Variants in SCFD2 observed in about 807,000 individuals in gnomAD.
SCFD2 encodes sec1 family domain-containing protein 2.
In SCFD2, 54 loss-of-function variants were observed where a neutral mutation model predicts 58.9. The ratio of observed to expected loss-of-function variants is 0.92; its 90% CI spans 0.74 to 1.15. The LOEUF is 1.15. Among genes scored for constraint, SCFD2 ranks in the 50% most tolerant of loss-of-function variants. The probability of loss-of-function intolerance (pLI) is 0.00; values close to 1 mark genes in which losing one functional copy is unlikely to be tolerated. For missense variants in SCFD2, 805 were observed against 836.6 expected (o/e 0.96, Z 0.47); for synonymous variants, 321 against 335.9 (o/e 0.96, Z 0.49).
At chr4:53,042,398 C>T (rs535681916) in intron 5 of SCFD2, among the ~76,000 whole-genome samples, 5 of 152,210 alleles carry the variant, frequency 3.3e-5, no homozygotes, top group African/African-American at 4.8e-5. Flanking sequence ...CCCACAGGGA[C>T]GCAATCAGCT....
chr4:53,077,218 C>A (rs561842008), intron 5 of SCFD2, among the ~76,000 whole-genome samples: 13 of 152,192 alleles, frequency 8.5e-5, no homozygotes, highest in South Asian at 8.3e-4. Context: ...TCAGCGCATT[C>A]AAAACTTTAT....
chr4:53,254,269 T>A (rs1730514129), intron 4 of SCFD2, among the ~76,000 whole-genome samples: 1 of 152,010 alleles, frequency 6.6e-6, no homozygotes, highest in Non-Finnish European at 1.5e-5. Context: ...ATGGGGGTGG[T>A]TTCCCCCATG....
chr4:52,899,593 C>T (rs1266075657), intron 7 of SCFD2, among the ~76,000 whole-genome samples: 1 of 152,166 alleles, frequency 6.6e-6, no homozygotes, highest in Non-Finnish European at 1.5e-5. Context: ...TTTTTTCCTT[C>T]ATTTCAACTT....
chr4:52,993,414 A>T (rs1007059084), intron 5 of SCFD2, among the ~76,000 whole-genome samples: 6 of 138,202 alleles, frequency 4.3e-5, no homozygotes, highest in South Asian at 2.4e-4. Context: ...ATAAAAAAAT[A>T]AAAAAAGTAT....
At chr4:52,879,206 C>T (rs1341800067) in intron 8 of SCFD2, among the ~76,000 whole-genome samples, 2 of 152,330 alleles carry the variant, frequency 1.3e-5, no homozygotes, top group East Asian at 3.9e-4. Context: ...GAGCACCCCG[C>T]AGTGCTCAGA....
At chr4:52,874,495 C>T (rs993591418) in intron 8 of SCFD2, among the ~76,000 whole-genome samples, 7 of 152,332 alleles carry the variant, frequency 4.6e-5, no homozygotes, top group South Asian at 2.1e-4. Flanking sequence ...TGAGAAGGCA[C>T]ATCCAGGAGG....
chr4:53,344,341 C>T (rs1249397400), intron 2 of SCFD2, among the ~76,000 whole-genome samples: 1 of 152,134 alleles, frequency 6.6e-6, no homozygotes, highest in Non-Finnish European at 1.5e-5. Context: ...AGTGAACTCC[C>T]ATTCACAATT....
At chr4:53,214,869 A>G (rs1009001719) in intron 4 of SCFD2, among the ~76,000 whole-genome samples, 1 of 152,148 alleles carries the variant, frequency 6.6e-6, no homozygotes, top group Non-Finnish European at 1.5e-5. Flanking sequence ...CTCTCTACAT[A>G]TGGCTAGCCA....
chr4:53,121,906 G>GTTAC (rs1725489271), intron 5 of SCFD2, among the ~76,000 whole-genome samples: 1 of 152,130 alleles, frequency 6.6e-6, no homozygotes, highest in Non-Finnish European at 1.5e-5. Flanking sequence ...AATATAAGCA[G>GTTAC]CTACCAAGGT....
chr4:52,997,358 G>C (rs1235918529), intron 5 of SCFD2, among the ~76,000 whole-genome samples: 1 of 152,214 alleles, frequency 6.6e-6, no homozygotes, highest in Non-Finnish European at 1.5e-5. Flanking sequence ...AAACACAGGA[G>C]GGCCCTGGTG....
intron 4 of SCFD2, among the ~76,000 whole-genome samples, chr4:53,240,461 C>G (rs1329015246): frequency 2.0e-5 from 3 of 152,200 alleles, no homozygotes; most frequent in Non-Finnish European, 4.4e-5. Flanking sequence ...GTGACCTTCA[C>G]TATTTTCAAC....
rs1734696856 is a variant in SCFD2 at position 53,365,999 on chromosome 4, C to T, written c.-58G>A. 2.0e-6 allele frequency: 3 copies of T among 1,498,864 alleles called. No individual in the cohort carries two copies. The highest frequency in any genetic ancestry group is 1.3e-5 in the South Asian group (1 of 74,864). 92.8% of individuals were successfully genotyped at this position (1,498,864 alleles called of 1,614,324 possible). A position where few individuals can be genotyped will look rare whatever the true frequency, so the allele number is the denominator to read the frequency against. ...TGCAGGAACTTCTTTCAGAACTCAC[C>T]GCTTCCGGAAATTGGGCTCCGGGAG... On this transcript the variant is annotated 5_prime_UTR_variant, in exon 1 of 9. Transcript: ENST00000401642. The surrounding 1 kb of genome is among the most constrained non-coding windows in gnomAD (Gnocchi z 4.3).
intron 5 of SCFD2, among the ~76,000 whole-genome samples, chr4:53,091,162 A>G (rs1471457380): frequency 6.6e-6 from 1 of 152,142 alleles, no homozygotes; most frequent in Non-Finnish European, 1.5e-5. Flanking sequence ...ATATTGGTAA[A>G]GTTTAAATCT....
At chr4:53,154,027 C>T (rs1449762538) in intron 4 of SCFD2, among the ~76,000 whole-genome samples, 2 of 152,184 alleles carry the variant, frequency 1.3e-5, no homozygotes, top group East Asian at 3.9e-4. Context: ...CTCTAATAAG[C>T]TCCAAACTTC....
In SCFD2 at chr4:53,251,661, A is replaced by C. The variant is rs576348579; in HGVS notation, c.1311+22165T>G. 1.2e-4 allele frequency among the ~76,000 whole-genome samples: 18 copies of C among 152,288 alleles called. No homozygotes were observed. The South Asian group carries it at 3.5e-3, about 30-fold the overall frequency. On this transcript the variant is annotated intron_variant, in intron 4 of 8. Transcript: ENST00000401642. ...ATGATTATCTCAATAGATGCAGAAAAGGCCTTTGACAAAATTCAACAACCC... is the reference window on the plus strand; with the variant it reads ...ATGATTATCTCAATAGATGCAGAAACGGCCTTTGACAAAATTCAACAACCC...
At chr4:53,123,531 G>GT (rs1251780589) in intron 5 of SCFD2, among the ~76,000 whole-genome samples, 4 of 90,818 alleles carry the variant, frequency 4.4e-5, no homozygotes, top group African/African-American at 1.6e-4. Flanking sequence ...TGAGATGGGG[G>GT]TGGGGGGGGG....
At chr4:53,099,355 C>G (rs1724762987) in intron 5 of SCFD2, among the ~76,000 whole-genome samples, 1 of 152,140 alleles carries the variant, frequency 6.6e-6, no homozygotes, top group African/African-American at 2.4e-5. Flanking sequence ...AACCATCAAA[C>G]CCATAATTAT....
chr4:53,002,674 C>T (rs552965564), intron 5 of SCFD2, among the ~76,000 whole-genome samples: 1 of 152,268 alleles, frequency 6.6e-6, no homozygotes, highest in African/African-American at 2.4e-5. Flanking sequence ...ACTTAAAGAT[C>T]TATAAGCAAA....
chr4:53,352,680 C>T lies in SCFD2; in HGVS notation c.925G>A (p.Val309Ile). 3 of 1,614,000 alleles carry T rather than the reference C, an allele frequency of 1.9e-6. No homozygotes were observed. Among genetic ancestry groups the T allele is most frequent in the Non-Finnish European group, 2.5e-6 (3 of 1,179,920 alleles). Residue 309 changes from valine to isoleucine, a missense_variant, in exon 2 of 9, where the codon GTT becomes ATT. By Grantham distance (29) the Val-to-Ile change is conservative. Around this residue, in one of 3 missense-constraint regions of SCFD2, gnomAD observed 633 missense variants for 646.8 expected, o/e 0.98. Coordinates refer to ENST00000401642, the MANE Select transcript of SCFD2 (RefSeq NM_152540.4). Reference sequence around the variant, plus strand: ...AGTGCAGTGAGCGCTATCATGTTAACCATCACATCATTTGTGTGGCCTGGG... The same window carrying T: ...AGTGCAGTGAGCGCTATCATGTTAATCATCACATCATTTGTGTGGCCTGGG... ...QLPGHTNDVM[V>I]NMIALTALHT...
Sources: gnomAD v4.1 joint callset for allele counts (sites outside exome capture counted in the v4.1 genomes callset) on GRCh38, gnomAD v4.1.1 for gene constraint, gnomAD v4.1.1 regional missense constraint, Gnocchi (gnomAD v3.1) non-coding constraint, MANE v1.5 for transcripts, NCBI Gene and HGNC (gene_info 2026-07-23, HGNC 2026-07-21) for gene names.